LSAMP: variants seen among roughly 807,000 people sequenced by gnomAD.
The protein encoded by LSAMP is limbic system-associated membrane protein.
In LSAMP, 7 loss-of-function variants were observed where a neutral mutation model predicts 38.6. The observed-to-expected ratio is 0.18, with a 90% CI of 0.10 to 0.34. LSAMP has a LOEUF of 0.34. LSAMP is among the 10% of genes least tolerant of loss of function. The probability of loss-of-function intolerance (pLI) is 1.00; values close to 1 mark genes in which losing one functional copy is unlikely to be tolerated. For missense variants in LSAMP, 313 were observed against 420.0 expected, an observed-to-expected ratio of 0.75 and a Z score of 2.23; for synonymous variants, 154 against 166.8, an observed-to-expected ratio of 0.92 and a Z score of 0.59.
At chr3:116,183,766 AT>A (rs1710545196) in intron 1 of LSAMP, among the ~76,000 whole-genome samples, 1 of 151,856 alleles carries the variant, frequency 6.6e-6, no homozygotes, top group South Asian at 2.1e-4. Flanking sequence ...CAAAGATTAC[AT>A]TTAAAAGCAT....
chr3:116,378,264 T>C (rs1394277993), intron 1 of LSAMP, among the ~76,000 whole-genome samples: 1 of 151,958 alleles, frequency 6.6e-6, no homozygotes, highest in African/African-American at 2.4e-5. Flanking sequence ...TGGAAGCTGT[T>C]GTGGTATTTT....
chr3:116,204,568 T>A (rs1399093334), intron 1 of LSAMP, among the ~76,000 whole-genome samples: 1 of 151,682 alleles, frequency 6.6e-6, no homozygotes, highest in African/African-American at 2.4e-5. Flanking sequence ...CATCTTGAAT[T>A]GATTTTTGTA....
intron 1 of LSAMP, among the ~76,000 whole-genome samples, chr3:116,153,124 A>T (rs1709649660): frequency 6.6e-6 from 1 of 152,120 alleles, no homozygotes; most frequent in Admixed American, 6.6e-5. Context: ...TAAACTGAAA[A>T]AATTTGCCTC....
chr3:116,221,150 C>CAAAAAAAAAAAAAAA (rs71141862), intron 1 of LSAMP, among the ~76,000 whole-genome samples: 3 of 53,186 alleles, frequency 5.6e-5, no homozygotes, highest in Admixed American at 3.4e-4. Flanking sequence ...GACTCTGTCT[C>CAAAAAAAAAAAAAAA]AAAAAAAAAA....
intron 1 of LSAMP, among the ~76,000 whole-genome samples, chr3:116,177,135 T>C (rs1021151037): frequency 6.6e-6 from 1 of 152,116 alleles, no homozygotes; most frequent in African/African-American, 2.4e-5. Context: ...TAAAAACCAC[T>C]GCCCTGAGAT....
At chr3:116,190,069 A>G (rs977501445) in intron 1 of LSAMP, among the ~76,000 whole-genome samples, 1 of 147,550 alleles carries the variant, frequency 6.8e-6, no homozygotes, top group African/African-American at 2.5e-5. Flanking sequence ...CACCACTATG[A>G]GCCTCAGGTC....
At position 115,886,116 on chromosome 3, in the gene LSAMP, A is replaced by G. The variant is rs75997828; in HGVS notation, c.515-33499T>C. ...AAGCTCAAAAAAAGAGAAAGAAAGA[A>G]CTTGCCCTTCCTCTGCCTTTTCATA... On this transcript the variant is annotated intron_variant, in intron 3 of 6. Coordinates refer to ENST00000490035, the MANE Select transcript of LSAMP (RefSeq NM_002338.5). Among the ~76,000 whole-genome samples the G allele has an allele frequency of 8.0e-3, 1,210 of 152,066 alleles. 7 individuals carry two copies. Among genetic ancestry groups the G allele is most frequent in the Non-Finnish European group, 0.011 (751 of 67,924 alleles).
chr3:116,164,131 G>T (rs1410836921), intron 1 of LSAMP, among the ~76,000 whole-genome samples: 1 of 152,032 alleles, frequency 6.6e-6, no homozygotes, highest in African/African-American at 2.4e-5. Flanking sequence ...TACAAATATT[G>T]GGTAATAGTG....
At chr3:116,021,059 G>C (rs1217320865) in intron 2 of LSAMP, among the ~76,000 whole-genome samples, 1 of 152,112 alleles carries the variant, frequency 6.6e-6, no homozygotes, top group Non-Finnish European at 1.5e-5. Context: ...TCACAAGGAG[G>C]AAGCAGGATG....
intron 3 of LSAMP, among the ~76,000 whole-genome samples, chr3:115,882,964 C>A (rs1936359684): frequency 6.6e-6 from 1 of 151,942 alleles, no homozygotes; most frequent in Non-Finnish European, 1.5e-5. Flanking sequence ...CGATAGTTAA[C>A]TATAGTTACT....
intron 1 of LSAMP, among the ~76,000 whole-genome samples, chr3:116,397,902 C>T (rs2048789560): frequency 6.6e-6 from 1 of 152,006 alleles, no homozygotes; most frequent in Non-Finnish European, 1.5e-5. Flanking sequence ...TTGCCTTGAG[C>T]ACACATCTGT....
chr3:115,898,208 A>G (rs1936776612), intron 3 of LSAMP, among the ~76,000 whole-genome samples: 2 of 152,178 alleles, frequency 1.3e-5, no homozygotes, highest in South Asian at 2.1e-4. Context: ...TTCTACATCA[A>G]GATAAATTTA....
At chr3:116,012,895 A>G (rs1240239245) in intron 3 of LSAMP, among the ~76,000 whole-genome samples, 1 of 152,228 alleles carries the variant, frequency 6.6e-6, no homozygotes, top group Non-Finnish European at 1.5e-5. Context: ...TATGATACGT[A>G]TTCTATTTTT....
chr3:116,034,991 G>T (rs1559928516), intron 2 of LSAMP, among the ~76,000 whole-genome samples: 1 of 152,130 alleles, frequency 6.6e-6, no homozygotes, highest in African/African-American at 2.4e-5. Context: ...GCCTTATGCT[G>T]GTCCCTCTGA....
chr3:116,177,532 G>A, intron 1 of LSAMP, among the ~76,000 whole-genome samples: 1 of 152,070 alleles, frequency 6.6e-6, no homozygotes. Context: ...ATTTTACAAT[G>A]TGAAATGCCA....
intron 3 of LSAMP, among the ~76,000 whole-genome samples, chr3:115,981,746 TAAC>T (rs541371738): frequency 2.0e-5 from 3 of 152,186 alleles, no homozygotes; most frequent in Non-Finnish European, 4.4e-5. Context: ...GAGCATTATT[TAAC>T]AACAACAACA....
At chr3:116,133,646 C>T (rs1379458115) in intron 1 of LSAMP, among the ~76,000 whole-genome samples, 3 of 152,132 alleles carry the variant, frequency 2.0e-5, no homozygotes, top group East Asian at 1.9e-4. Context: ...ATAATACCTA[C>T]GTAATTATTT....
chr3:116,267,997 G>A (rs1028335860), intron 1 of LSAMP, among the ~76,000 whole-genome samples: 9 of 152,218 alleles, frequency 5.9e-5, no homozygotes, highest in African/African-American at 2.2e-4. Flanking sequence ...ATTCAAGATG[G>A]CAAAGTTAAA....
At chr3:116,089,608 C>T (rs1274047553) in intron 1 of LSAMP, among the ~76,000 whole-genome samples, 3 of 152,120 alleles carry the variant, frequency 2.0e-5, no homozygotes, top group Non-Finnish European at 4.4e-5. Context: ...CCGCCCACCT[C>T]GGTCTCCCAA....
Sources: gnomAD v4.1 joint callset for allele counts (sites outside exome capture counted in the v4.1 genomes callset) on GRCh38, gnomAD v4.1.1 for gene constraint, MANE v1.5 for transcripts, NCBI Gene and HGNC (gene_info 2026-07-23, HGNC 2026-07-21) for gene names.